Variants in SESTD1 observed in about 807,000 individuals in gnomAD.
SESTD1 encodes the protein SEC14 and spectrin domain containing 1.
Under a neutral mutation model 101.7 loss-of-function variants are expected in SESTD1, and 43 were observed. The observed-to-expected ratio is 0.42, with a 90% confidence interval of 0.33 to 0.55. The LOEUF (loss-of-function observed/expected upper bound fraction) is 0.55, where lower values mean the gene tolerates loss of function less well. SESTD1 is among the 20% of genes least tolerant of loss of function. The pLI, the probability that SESTD1 is intolerant of heterozygous loss-of-function variation, is 0.07. For synonymous variants in SESTD1, 283 were observed against 286.8 expected, an observed-to-expected ratio of 0.99 and a Z score of 0.13; for missense variants, 647 against 815.1, an observed-to-expected ratio of 0.79 and a Z score of 2.51.
chr2:179,219,253 G>C (rs144379041), intron 1 of SESTD1, among the ~76,000 whole-genome samples: 9 of 152,292 alleles, frequency 5.9e-5, no homozygotes, highest in South Asian at 2.1e-4. Flanking sequence ...TGGGAAAACT[G>C]CACTTTATGA....
chr2:179,245,542 A>G (rs1010079592), intron 1 of SESTD1, among the ~76,000 whole-genome samples: 1 of 143,252 alleles, frequency 7.0e-6, no homozygotes, highest in Non-Finnish European at 1.5e-5. Flanking sequence ...AAAAAAAAAA[A>G]GTAGCCAGAT....
At chr2:179,154,811 TA>T (rs1460019581) in intron 5 of SESTD1, among the ~76,000 whole-genome samples, 4 of 152,182 alleles carry the variant, frequency 2.6e-5, no homozygotes, top group Non-Finnish European at 5.9e-5. Context: ...TCATAACCAA[TA>T]ATAAGAGAAT....
At chr2:179,179,394 C>T (rs536770550) in intron 3 of SESTD1, among the ~76,000 whole-genome samples, 57 of 152,238 alleles carry the variant, frequency 3.7e-4, no homozygotes, top group African/African-American at 1.3e-3. Context: ...GCTATGTAAA[C>T]GTGAAACTGT....
At chr2:179,115,369 A>G (rs1158472623) in intron 15 of SESTD1, 113 bp from the exon 16 acceptor site, 1 of 724,240 alleles carries the variant, frequency 1.4e-6, no homozygotes, top group Non-Finnish European at 2.2e-6. Context: ...AGAAATCAAT[A>G]CTGAATAAAT....
At chr2:179,173,091 C>T (rs981633831) in intron 4 of SESTD1, among the ~76,000 whole-genome samples, 1 of 152,190 alleles carries the variant, frequency 6.6e-6, no homozygotes, top group Admixed American at 6.5e-5. Context: ...CACAACAGCT[C>T]GCTGCTCCTG....
At chr2:179,127,901 G>T (rs923117571) in intron 10 of SESTD1, among the ~76,000 whole-genome samples, 1 of 152,096 alleles carries the variant, frequency 6.6e-6, no homozygotes, top group Non-Finnish European at 1.5e-5. Flanking sequence ...AATATAAAAG[G>T]ATTTCAATAC....
chr2:179,119,270 C>G (rs2044698197), intron 13 of SESTD1, among the ~76,000 whole-genome samples: 1 of 152,148 alleles, frequency 6.6e-6, no homozygotes, highest in African/African-American at 2.4e-5. Flanking sequence ...GATTCAGAGA[C>G]AGCAGAACCT....
intron 4 of SESTD1, among the ~76,000 whole-genome samples, chr2:179,176,059 C>G (rs1247435618): frequency 6.6e-6 from 1 of 152,108 alleles, no homozygotes; most frequent in East Asian, 1.9e-4. Flanking sequence ...CTACACTTAA[C>G]CAATCCTACC....
At chr2:179,230,893 C>T (rs2046978139) in intron 1 of SESTD1, among the ~76,000 whole-genome samples, 1 of 151,894 alleles carries the variant, frequency 6.6e-6, no homozygotes, top group African/African-American at 2.4e-5. Flanking sequence ...TATAGTAAAA[C>T]TATTAGACTT....
rs558530985 is a variant in SESTD1, at chr2:179,248,929, A to G, written c.-26+15570T>C. On this transcript the variant is annotated intron_variant, in intron 1 of 17. Coordinates refer to ENST00000428443, the MANE Select transcript of SESTD1 (RefSeq NM_178123.5). ...AACCCTGTCTGTACAAAAAAAAAAA[A>G]AGAACAAAAAAATTAGCTGGGTGTG... Among the ~76,000 whole-genome samples, 234 of 151,520 alleles carry G rather than the reference A, an allele frequency of 1.5e-3. 1 individual carries two copies. The highest frequency in any genetic ancestry group is 6.8e-3 in the Middle Eastern group (2 of 294).
chr2:179,244,479 A>AC (rs1405951335), intron 1 of SESTD1, among the ~76,000 whole-genome samples: 31 of 151,810 alleles, frequency 2.0e-4, no homozygotes, highest in African/African-American at 7.5e-4. Flanking sequence ...AACCAACAAA[A>AC]AAAAAAAACA....
At chr2:179,138,517 A>G (rs986224455) in intron 9 of SESTD1, among the ~76,000 whole-genome samples, 2 of 152,106 alleles carry the variant, frequency 1.3e-5, no homozygotes, top group Admixed American at 1.3e-4. Flanking sequence ...ATATTGGGGG[A>G]AAAATAAAGA....
chr2:179,233,834 G>T lies in SESTD1; in HGVS notation c.-26+30665C>A, dbSNP rs115254529. The stretch of plus-strand genomic sequence containing the variant: ...TGTGTGTGCACATGGCCTGGCATGT[G>T]TGCATGTGTGTATGTGTATGCATGC... On this transcript the variant is annotated intron_variant, in intron 1 of 17. Coordinates refer to ENST00000428443, the MANE Select transcript of SESTD1 (RefSeq NM_178123.5). Among the ~76,000 whole-genome samples the T allele has an allele frequency of 5.5e-3, 837 of 152,270 alleles. 4 individuals carry two copies. Among genetic ancestry groups the T allele is most frequent in the African/African-American group, 0.019 (778 of 41,554 alleles).
At chr2:179,233,268 T>C (rs1306414887) in intron 1 of SESTD1, among the ~76,000 whole-genome samples, 5 of 152,202 alleles carry the variant, frequency 3.3e-5, no homozygotes, top group African/African-American at 4.8e-5. Context: ...GTGTTAAGGA[T>C]TAGCAATTCT....
intron 1 of SESTD1, among the ~76,000 whole-genome samples, chr2:179,229,398 T>C (rs1374165239): frequency 6.6e-6 from 1 of 152,104 alleles, no homozygotes; most frequent in Non-Finnish European, 1.5e-5. Flanking sequence ...TTGTTGCTCC[T>C]AGTCCTCAGG....
chr2:179,185,682 T>TATATATAATATAGTATATACA (rs2046210029), intron 2 of SESTD1, among the ~76,000 whole-genome samples: 3 of 107,846 alleles, frequency 2.8e-5, no homozygotes, highest in Non-Finnish European at 5.3e-5. Flanking sequence ...TATAGCATAT[T>TATATATAATATAGTATATACA]ATATATAATA....
chr2:179,157,955 T>C (rs1437180210), intron 5 of SESTD1, among the ~76,000 whole-genome samples: 1 of 152,172 alleles, frequency 6.6e-6, no homozygotes, highest in African/African-American at 2.4e-5. Context: ...CTAAATGTCA[T>C]GGCTGCTTTT....
chr2:179,110,033 AAATC>A lies in SESTD1; in HGVS notation c.1962-9_1962-6del. On this transcript the variant is annotated splice_polypyrimidine_tract_variant and splice_region_variant and intron_variant, in intron 17 of 17. Transcript: ENST00000428443. ...CTCCCAAAATATTGTTCGGTTCTAA[AAATC>A]AAAACACACAGAAAAACCTCAGATT... 4 of 1,613,382 alleles carry A rather than the reference AAATC, an allele frequency of 2.5e-6. No homozygotes were observed. In the South Asian group the frequency reaches 4.4e-5, roughly 18 times the overall value.
intron 8 of SESTD1, among the ~76,000 whole-genome samples, chr2:179,144,133 A>T (rs188072422): frequency 3.9e-4 from 59 of 152,060 alleles, no homozygotes; most frequent in Non-Finnish European, 6.8e-4. Context: ...TTTTTTTATC[A>T]ATCACATTTT....
Sources: allele counts gnomAD v4.1 joint callset (sites outside exome capture counted in the v4.1 genomes callset), GRCh38; gene constraint gnomAD v4.1.1; transcripts MANE v1.5; gene names NCBI Gene and HGNC (gene_info 2026-07-23, HGNC 2026-07-21).